Variants in FGGY observed in about 807,000 individuals in gnomAD.
FGGY encodes the protein FGGY carbohydrate kinase domain-containing protein.
Under a neutral mutation model 71.3 loss-of-function variants are expected in FGGY, and 72 were observed. That is an observed-to-expected ratio of 1.01 (90% CI 0.84 to 1.23). The LOEUF is 1.23. Among genes scored for constraint, FGGY ranks in the 50% most tolerant of loss-of-function variants. The probability of loss-of-function intolerance (pLI) is 0.00; values close to 1 mark genes in which losing one functional copy is unlikely to be tolerated. For missense variants in FGGY, 668 were observed against 682.3 expected (o/e 0.98, Z 0.23); for synonymous variants, 251 against 250.3 (o/e 1.00, Z -0.02).
chr1:59,365,783 A>G (rs2056478691), intron 4 of FGGY, among the ~76,000 whole-genome samples: 1 of 152,244 alleles, frequency 6.6e-6, no homozygotes, highest in Non-Finnish European at 1.5e-5. Flanking sequence ...AGTGCTTTGA[A>G]AACTGTGAAA....
intron 1 of FGGY, among the ~76,000 whole-genome samples, chr1:59,315,173 A>G (rs1411670714): frequency 6.6e-6 from 1 of 151,926 alleles, no homozygotes; most frequent in Admixed American, 6.6e-5. Context: ...GAGAACTGAC[A>G]TTTTCATAAT....
intron 14 of FGGY, among the ~76,000 whole-genome samples, chr1:59,739,678 A>AT (rs908804402): frequency 5.9e-5 from 9 of 151,454 alleles, no homozygotes; most frequent in East Asian, 1.9e-4. Flanking sequence ...TGTTTTCAGA[A>AT]TTTTTTTTTC....
At chr1:59,573,283 T>C (rs2096017983) in intron 8 of FGGY, among the ~76,000 whole-genome samples, 1 of 152,176 alleles carries the variant, frequency 6.6e-6, no homozygotes, top group Admixed American at 6.5e-5. Context: ...GATAATAGAA[T>C]TGTATCTATG....
chr1:59,631,794 A>G (rs968659895), intron 10 of FGGY, among the ~76,000 whole-genome samples: 1 of 152,254 alleles, frequency 6.6e-6, no homozygotes, highest in African/African-American at 2.4e-5. Context: ...TAAATTAAGT[A>G]AACAAGAACT....
At chr1:59,694,040 G>C (rs1461029522) in intron 14 of FGGY, among the ~76,000 whole-genome samples, 1 of 149,370 alleles carries the variant, frequency 6.7e-6, no homozygotes, top group Admixed American at 6.7e-5. Flanking sequence ...GGTGGCTCAC[G>C]CCTGTAATCC....
At chr1:59,599,469 C>T (rs796272834) in intron 8 of FGGY, among the ~76,000 whole-genome samples, 88 of 151,762 alleles carry the variant, frequency 5.8e-4, no homozygotes, top group African/African-American at 1.8e-3. Context: ...CCGAGACGGG[C>T]GGATCACTTG....
intron 4 of FGGY, among the ~76,000 whole-genome samples, chr1:59,370,897 C>T (rs919148175): frequency 3.3e-5 from 5 of 151,962 alleles, no homozygotes; most frequent in African/African-American, 1.2e-4. Flanking sequence ...AAAATAGCTC[C>T]TGAAGGAAGC....
At chr1:59,702,983 C>G (rs1285272069) in intron 14 of FGGY, among the ~76,000 whole-genome samples, 1 of 152,104 alleles carries the variant, frequency 6.6e-6, no homozygotes, top group East Asian at 1.9e-4. Flanking sequence ...TATTCTCCTT[C>G]CCCACTTTTA....
At chr1:59,601,625 T>G (rs1257148441) in intron 8 of FGGY, among the ~76,000 whole-genome samples, 1 of 152,168 alleles carries the variant, frequency 6.6e-6, no homozygotes. Context: ...TGAATGCAAA[T>G]GTACACCTAC....
In FGGY at chr1:59,670,425, A is replaced by T. The variant is rs182091557; in HGVS notation, c.1417+3022A>T. Among the ~76,000 whole-genome samples, 4 of 152,354 alleles carry T rather than the reference A, an allele frequency of 2.6e-5. No individual in the cohort carries two copies. The South Asian group carries it at 8.3e-4, about 32-fold the overall frequency. On this transcript the variant is annotated intron_variant, in intron 13 of 15. Transcript: ENST00000303721. ...TCTCAGAAATGCATGTGAAAAACAC[A>T]TTCGAATTTGGGAGATTTTTTTGGA...
At position 59,717,788 on chromosome 1, in the gene FGGY, G is replaced by T. The variant is rs189433536; in HGVS notation, c.1513-40143G>T. Among the ~76,000 whole-genome samples, 3 of 152,176 alleles carry T rather than the reference G, an allele frequency of 2.0e-5. No individual in the cohort carries two copies. In the South Asian group the frequency reaches 6.2e-4, roughly 31 times the overall value. ...AAGGCAAGAATTATATGCTGATTGA[G>T]TTATGCAATATATTGTGTCTTCCCA... On this transcript the variant is annotated intron_variant, in intron 14 of 15. Coordinates refer to ENST00000303721, the MANE Select transcript of FGGY (RefSeq NM_018291.5).
chr1:59,384,126 A>G (rs1571395002), intron 5 of FGGY, among the ~76,000 whole-genome samples: 2 of 152,294 alleles, frequency 1.3e-5, no homozygotes, highest in East Asian at 3.9e-4. Context: ...TAATGCTCAG[A>G]AATGATTTAT....
chr1:59,449,731 G>T (rs1446373028), intron 5 of FGGY, among the ~76,000 whole-genome samples: 1 of 152,084 alleles, frequency 6.6e-6, no homozygotes, highest in Admixed American at 6.6e-5. Flanking sequence ...ACAAAACTAA[G>T]GCAGGATGAT....
intron 5 of FGGY, among the ~76,000 whole-genome samples, chr1:59,380,322 G>A (rs1002460053): frequency 2.6e-5 from 4 of 151,496 alleles, no homozygotes; most frequent in African/African-American, 9.8e-5. Flanking sequence ...GTAATGGAAT[G>A]GCTGGGTCAA....
chr1:59,319,407 C>G (rs367818708), intron 1 of FGGY, among the ~76,000 whole-genome samples: 3 of 152,140 alleles, frequency 2.0e-5, no homozygotes, highest in East Asian at 3.9e-4. Context: ...TCATTTTTTT[C>G]AGATTCAGTT....
chr1:59,373,850 C>T (rs1446709775), intron 4 of FGGY, among the ~76,000 whole-genome samples: 3 of 151,190 alleles, frequency 2.0e-5, no homozygotes, highest in East Asian at 1.9e-4. Context: ...AACTGGCTAG[C>T]CAGGAGAAAG....
chr1:59,393,166 G>A (rs1199483032), intron 5 of FGGY: 1 of 152,148 alleles, frequency 6.6e-6, no homozygotes, highest in Non-Finnish European at 1.5e-5. Context: ...AACCCTGCCT[G>A]TTAGGAGTCT....
At chr1:59,611,922 A>T (rs904715105) in intron 9 of FGGY, among the ~76,000 whole-genome samples, 1 of 152,224 alleles carries the variant, frequency 6.6e-6, no homozygotes, top group African/African-American at 2.4e-5. Flanking sequence ...AAATGAATGA[A>T]ATGAAGCTAC....
At chr1:59,733,883 A>G (rs954760747) in intron 14 of FGGY, among the ~76,000 whole-genome samples, 2 of 152,212 alleles carry the variant, frequency 1.3e-5, no homozygotes, top group African/African-American at 4.8e-5. Context: ...CTGGTCTGTC[A>G]CTGAAGCATG....
Sources: allele counts gnomAD v4.1 joint callset (sites outside exome capture counted in the v4.1 genomes callset), GRCh38; gene constraint gnomAD v4.1.1; transcripts MANE v1.5; gene names NCBI Gene and HGNC (gene_info 2026-07-23, HGNC 2026-07-21).